Variants in MCM5 observed in about 807,000 individuals in gnomAD.
MCM5 encodes DNA replication licensing factor MCM5.
A neutral mutation model predicts 79.9 loss-of-function variants in MCM5; 46 were observed. That is an observed-to-expected ratio of 0.58 (90% CI 0.45 to 0.74). The LOEUF (loss-of-function observed/expected upper bound fraction) is 0.74. MCM5 is among the 30% of genes least tolerant of loss of function. The pLI is 0.00. For missense variants in MCM5, 883 were observed against 1,017.0 expected (o/e 0.87, Z 1.79); for synonymous variants, 404 against 390.5 (o/e 1.03, Z -0.41).
intron 13 of MCM5, among the ~76,000 whole-genome samples, chr22:35,419,506 A>AC (rs1932639218): frequency 6.6e-6 from 1 of 152,154 alleles, no homozygotes; most frequent in Admixed American, 6.5e-5. Flanking sequence ...TGCAAAGCCC[A>AC]CCACCCAGTG....
downstream of MCM5, among the ~76,000 whole-genome samples, chr22:35,427,335 C>G (rs1201135721): frequency 1.3e-5 from 2 of 152,198 alleles, no homozygotes; most frequent in Non-Finnish European, 2.9e-5. Context: ...GTCCCATTCT[C>G]TTGCCTGTAA....
intron 4 of MCM5, among the ~76,000 whole-genome samples, chr22:35,403,953 A>C (rs924087794): frequency 1.2e-4 from 18 of 149,020 alleles, no homozygotes; most frequent in Non-Finnish European, 1.8e-4. Flanking sequence ...AAAAAAAAAC[A>C]AAAAAAACAA....
the MCM5 span, among the ~76,000 whole-genome samples, chr22:35,434,448 C>A: frequency 6.6e-6 from 1 of 152,050 alleles, no homozygotes; most frequent in East Asian, 1.9e-4. Context: ...TTTATCGGTC[C>A]CAGGGGAGCT....
the MCM5 span, among the ~76,000 whole-genome samples, chr22:35,438,884 CATCCATCTACAT>C: frequency 1.3e-5 from 2 of 150,074 alleles, no homozygotes; most frequent in African/African-American, 2.4e-5. Flanking sequence ...TCCATCCATC[CATCCATCTACAT>C]ATCCATCCAT....
chr22:35,448,854 C>G, the MCM5 span, among the ~76,000 whole-genome samples: 4 of 152,194 alleles, frequency 2.6e-5, no homozygotes, highest in Non-Finnish European at 4.4e-5. Flanking sequence ...GCCTCTCATC[C>G]ATGGACCACT....
chr22:35,416,496 G>T, intron 11 of MCM5, 92 bp downstream of exon 11: 1 of 1,425,518 alleles, frequency 7.0e-7, no homozygotes, highest in Non-Finnish European at 9.7e-7. Context: ...AGTTCTCTTT[G>T]CCCAGGCCTA....
At chr22:35,440,777 C>A in the MCM5 span, among the ~76,000 whole-genome samples, 25 of 152,032 alleles carry the variant, frequency 1.6e-4, no homozygotes, top group Non-Finnish European at 1.5e-5. Context: ...TAAGATCCTG[C>A]CTGGGTGTGG....
At chr22:35,420,228 C>T (rs551601067) in intron 14 of MCM5, among the ~76,000 whole-genome samples, 3 of 152,334 alleles carry the variant, frequency 2.0e-5, no homozygotes, top group African/African-American at 7.2e-5. Flanking sequence ...ACCTAGACCC[C>T]TCTTGTCTGA....
At chr22:35,418,703 A>ACACACACACT (rs1932613917) in intron 13 of MCM5, among the ~76,000 whole-genome samples, 1 of 151,670 alleles carries the variant, frequency 6.6e-6, no homozygotes, top group African/African-American at 2.4e-5. Flanking sequence ...ACACACACAC[A>ACACACACACT]CACACACTCA....
At chr22:35,408,831 C>A (rs776544062) in intron 6 of MCM5, among the ~76,000 whole-genome samples, 3 of 152,220 alleles carry the variant, frequency 2.0e-5, no homozygotes, top group Non-Finnish European at 4.4e-5. Flanking sequence ...GGAGGAGAGC[C>A]GGGCTTTCAG....
chr22:35,449,030 C>T, the MCM5 span, among the ~76,000 whole-genome samples: 1 of 152,154 alleles, frequency 6.6e-6, no homozygotes, highest in African/African-American at 2.4e-5. Context: ...GGACACCCTG[C>T]CTCTGGTGGG....
chr22:35,408,587 G>T (rs780234396), intron 6 of MCM5, 24 bp downstream of exon 6: 1 of 1,595,444 alleles, frequency 6.3e-7, no homozygotes, highest in Non-Finnish European at 8.6e-7. Context: ...GCTGGGAGGT[G>T]GGCATCTACG....
chr22:35,412,749 T>G, intron 8 of MCM5, 68 bp downstream of exon 8: 3 of 1,294,352 alleles, frequency 2.3e-6, no homozygotes, highest in Non-Finnish European at 3.0e-6. Context: ...GGATAATTAC[T>G]GGATAATCAG....
In MCM5 at chr22:35,419,944, C is replaced by T; in HGVS notation, c.1764C>T (p.Ile588=). ...AAEKLKNRYI[I]MRSGARQHER... ...AGAAACTGAAGAACCGCTACATCAT[C>T]ATGCGGAGCGGGGCCCGTCAGCACG... Residue 588 remains isoleucine (I), a synonymous_variant, in exon 14 of 17, where the codon ATC becomes ATT. Transcript: ENST00000216122. 1.2e-6 allele frequency: 2 copies of T among 1,613,402 alleles called. No homozygotes were observed. The highest frequency in any genetic ancestry group is 1.7e-6 in the Non-Finnish European group (2 of 1,179,744).
rs1299824959 is a variant in MCM5 at position 35,424,803 on chromosome 22, G to A, written c.*548G>A. 1 of 152,312 alleles carries A rather than the reference G, an allele frequency of 6.6e-6. No homozygotes were observed. The highest frequency in any genetic ancestry group is 1.5e-5 in the Non-Finnish European group (1 of 68,102). The allele number at this position is 152,312 out of a possible 1,614,324, so 9.4% of individuals were successfully genotyped here. A position where few individuals can be genotyped will look rare whatever the true frequency, so the allele number is the denominator to read the frequency against. ...CCCCAGTAACTTATTGGGGGGCTGC[G>A]AGCCGTGGTGCGGCGGTCAGACTGC... On this transcript the variant is annotated 3_prime_UTR_variant, in exon 17 of 17. Transcript: ENST00000216122.
At position 35,415,874 on chromosome 22, in the gene MCM5, T is replaced by G. The variant is rs1425715105; in HGVS notation, c.1249T>G (p.Ser417Ala). Residue 417 changes from serine (S) to alanine (A), a missense_variant, in exon 10 of 17, where the codon TCG becomes GCG. Physicochemically the swap from Ser to Ala is moderately conservative, Grantham distance 99. This residue lies in a region of MCM5 where 426 missense variants were observed against 482.3 expected (regional missense o/e 0.88). Transcript: ENST00000216122. The stretch of plus-strand genomic sequence containing the variant: ...CAGCAGCGCAGCTGGACTGACAGCC[T>G]CGGTGATGAGGGACCCTTCGTCCCG... ...KGSSAAGLTA[S>A]VMRDPSSRNF... The G allele has an allele frequency of 6.2e-7, 1 of 1,613,992 alleles. No individual in the cohort carries two copies. The highest frequency in any genetic ancestry group is 8.5e-7 in the Non-Finnish European group (1 of 1,180,008).
At chr22:35,436,446 T>C in the MCM5 span, among the ~76,000 whole-genome samples, 3 of 152,202 alleles carry the variant, frequency 2.0e-5, no homozygotes, top group Non-Finnish European at 4.4e-5. Context: ...CCCTCTCTTA[T>C]GTGCAAGGCT....
At chr22:35,449,031 C>T in the MCM5 span, among the ~76,000 whole-genome samples, 1 of 152,194 alleles carries the variant, frequency 6.6e-6, no homozygotes, top group Non-Finnish European at 1.5e-5. Flanking sequence ...GACACCCTGC[C>T]TCTGGTGGGA....
intron 3 of MCM5, 24 bp downstream of exon 3, chr22:35,403,357 C>T (rs1569063346): frequency 6.2e-7 from 1 of 1,613,916 alleles, no homozygotes; most frequent in Non-Finnish European, 8.5e-7. Flanking sequence ...CATCCCTGAG[C>T]TTCCCAGGGC....
Sources: gnomAD v4.1 joint callset for allele counts (sites outside exome capture counted in the v4.1 genomes callset) on GRCh38, gnomAD v4.1.1 for gene constraint, gnomAD v4.1.1 regional missense constraint, MANE v1.5 for transcripts, NCBI Gene and HGNC (gene_info 2026-07-23, HGNC 2026-07-21) for gene names.